Variants in NAAA observed in about 807,000 individuals in gnomAD.
The protein encoded by NAAA is N-acylethanolamine-hydrolyzing acid amidase.
A neutral mutation model predicts 44.8 loss-of-function variants in NAAA; 39 were observed. The observed-to-expected ratio is 0.87, with a 90% CI of 0.67 to 1.14. The LOEUF is 1.14. Ranked by LOEUF, NAAA falls within the 50% of genes most tolerant of loss-of-function variation. NAAA has a pLI of 0.00. For synonymous variants in NAAA, 178 were observed against 191.3 expected (o/e 0.93, Z 0.58); for missense variants, 460 against 467.8 (o/e 0.98, Z 0.15).
At chr4:75,917,194 A>C (rs1725706863) in intron 9 of NAAA, 1 of 592,866 alleles carries the variant, frequency 1.7e-6, no homozygotes, top group South Asian at 7.5e-5. Context: ...CCCGCTATGA[A>C]GGGTACAGTC....
rs1366111602 is a variant in NAAA at position 75,914,248 on chromosome 4, C to A, written c.*127G>T. Reference sequence around the variant, plus strand: ...GTTGTAAAGTTAAATGAGGAAGGAGCCTGCATTGTTTGTAACATAATACAA... The same window carrying A: ...GTTGTAAAGTTAAATGAGGAAGGAGACTGCATTGTTTGTAACATAATACAA... On this transcript the variant is annotated 3_prime_UTR_variant, in exon 11 of 11. Transcript: ENST00000286733. 1.9e-5 allele frequency: 19 copies of A among 985,606 alleles called. No homozygotes were observed. Among genetic ancestry groups the A allele is most frequent in the Non-Finnish European group, 2.0e-5 (17 of 829,882 alleles). The allele number at this position is 985,606 out of a possible 1,614,324, so 61.1% of individuals were successfully genotyped here. A position where few individuals can be genotyped will look rare whatever the true frequency, so the allele number is the denominator to read the frequency against.
intron 1 of NAAA, 70 bp from the exon 2 acceptor site, chr4:75,940,235 C>A (rs1260740953): frequency 1.3e-6 from 2 of 1,533,000 alleles, no homozygotes; most frequent in Non-Finnish European, 8.9e-7. Context: ...GTGTGCACTG[C>A]GAGCGGGGCT....
In NAAA at chr4:75,914,082, A is replaced by T. The variant is rs1201254654; in HGVS notation, c.*293T>A. The T allele has an allele frequency of 1.0e-6, 1 of 985,360 alleles. No homozygotes were observed. The highest frequency in any genetic ancestry group is 6.2e-5 in the Admixed American group (1 of 16,258). The allele number at this position is 985,360 out of a possible 1,614,324, so 61.0% of individuals were successfully genotyped here. On this transcript the variant is annotated 3_prime_UTR_variant, in exon 11 of 11. Transcript: ENST00000286733. ...GCCTGAGGATATGGCTTGATCTCTG[A>T]GACCAATTATCTTTGAGTTATTCAG...
intron 7 of NAAA, 107 bp downstream of exon 7, chr4:75,920,631 C>A (rs1726059867): frequency 7.3e-7 from 1 of 1,378,744 alleles, no homozygotes; most frequent in Non-Finnish European, 1.0e-6. Flanking sequence ...GGTACATTTT[C>A]TGGGAGAGGA....
chr4:75,913,410 A>G (rs558514336), downstream of NAAA, among the ~76,000 whole-genome samples: 12 of 152,112 alleles, frequency 7.9e-5, no homozygotes, highest in East Asian at 1.4e-3. Context: ...CCTTGGCAAA[A>G]TAACTCTCTC....
At chr4:75,926,062 G>A (rs3733235) in intron 4 of NAAA, among the ~76,000 whole-genome samples, 46,081 of 151,740 alleles carry the variant, frequency 0.3, 7,061 homozygotes, top group East Asian at 0.43. Context: ...GAGAACTTGA[G>A]TCTTCCACAC....
intron 2 of NAAA, among the ~76,000 whole-genome samples, chr4:75,937,544 G>A (rs1187060813): frequency 6.6e-6 from 1 of 152,150 alleles, no homozygotes; most frequent in Non-Finnish European, 1.5e-5. Context: ...GGAGTGCAGT[G>A]GTGCAATGTC....
intron 2 of NAAA, among the ~76,000 whole-genome samples, chr4:75,937,662 A>AT (rs202233213): frequency 0.013 from 1,988 of 152,184 alleles, 44 homozygotes; most frequent in African/African-American, 0.045. Flanking sequence ...ATTTTGTGGT[A>AT]TTTTTTGTAG....
At chr4:75,917,471 CTT>C (rs953868047) in intron 9 of NAAA, 2 of 146,048 alleles carry the variant, frequency 1.4e-5, no homozygotes, top group Non-Finnish European at 1.5e-5. Flanking sequence ...GTTTTCTTTT[CTT>C]TTTTTTTTTG....
chr4:75,911,324 G>A (rs759976519), downstream of NAAA: 6 of 516,052 alleles, frequency 1.2e-5, no homozygotes, highest in South Asian at 9.2e-5. Context: ...TCAGAGGCCT[G>A]ACAATCACCT....
At chr4:75,921,145 C>A (rs763447076) in intron 5 of NAAA, 22 bp from the exon 6 acceptor site, 2 of 1,548,566 alleles carry the variant, frequency 1.3e-6, no homozygotes, top group South Asian at 2.5e-5. Flanking sequence ...GATGAACTTG[C>A]GTGAGCAACC....
intron 3 of NAAA, among the ~76,000 whole-genome samples, chr4:75,932,073 T>C (rs770241841): frequency 2.4e-4 from 37 of 152,028 alleles, no homozygotes; most frequent in South Asian, 4.2e-4. Flanking sequence ...CTACTAAAAA[T>C]ACAAAATTAG....
chr4:75,940,908 G>A lies in NAAA; in HGVS notation c.42C>T (p.Ser14=), dbSNP rs1728231575. The A allele has an allele frequency of 6.6e-7, 1 of 1,519,412 alleles. No individual in the cohort carries two copies. The highest frequency in any genetic ancestry group is 1.4e-5 in the African/African-American group (1 of 69,746). 94.1% of individuals were successfully genotyped at this position (1,519,412 alleles called of 1,614,324 possible). ...CCCCGGCCAGCAGCAGCAGCAGCAG[G>A]GACGGAAGCCCCGGGCGCGCCTCCC... ...ADREARPGLP[S]LLLLLLAGAG... is the part of the protein sequence containing the mutation. The change falls in exon 1 of 11, where the codon TCC becomes TCT. Residue 14 remains serine, a synonymous_variant. Transcript: ENST00000286733.
intron 9 of NAAA, chr4:75,917,867 C>A: frequency 3.0e-6 from 1 of 331,858 alleles, no homozygotes; most frequent in Non-Finnish European, 5.9e-6. Flanking sequence ...CAGAATGCTG[C>A]TATCAAGGGT....
At chr4:75,930,498 T>A (rs538769936) in intron 4 of NAAA, 3 of 518,616 alleles carry the variant, frequency 5.8e-6, no homozygotes, top group Non-Finnish European at 1.2e-5. Flanking sequence ...AGAAGACATG[T>A]GAGGATGTAC....
intron 8 of NAAA, 86 bp from the exon 9 acceptor site, chr4:75,918,875 G>A (rs768309236): frequency 3.1e-6 from 4 of 1,294,844 alleles, no homozygotes; most frequent in Non-Finnish European, 4.4e-6. Context: ...GGGTGCAGTG[G>A]CTCAGGCCTG....
downstream of NAAA, among the ~76,000 whole-genome samples, chr4:75,911,053 G>T (rs1324231007): frequency 6.6e-6 from 1 of 152,132 alleles, no homozygotes; most frequent in Non-Finnish European, 1.5e-5. Context: ...CCTTCTCAAG[G>T]GTGGGGAGGG....
At chr4:75,935,264 G>T (rs1001788464) in intron 3 of NAAA, 1 of 152,152 alleles carries the variant, frequency 6.6e-6, no homozygotes, top group African/African-American at 2.4e-5. Context: ...TGAGTTTTTA[G>T]TATTTGTGAA....
downstream of NAAA, among the ~76,000 whole-genome samples, chr4:75,911,550 G>T (rs570238200): frequency 2.6e-5 from 4 of 152,288 alleles, no homozygotes; most frequent in South Asian, 8.3e-4. Context: ...AATTACAGGG[G>T]TATGGAAAAC....
Sources: gnomAD v4.1 joint callset for allele counts (sites outside exome capture counted in the v4.1 genomes callset) on GRCh38, gnomAD v4.1.1 for gene constraint, MANE v1.5 for transcripts, NCBI Gene and HGNC (gene_info 2026-07-23, HGNC 2026-07-21) for gene names.